Variants in FBXO25 observed in about 807,000 individuals in gnomAD.
The protein encoded by FBXO25 is F-box protein 25.
Under a neutral mutation model 51.9 loss-of-function variants are expected in FBXO25, and 45 were observed. That is an observed-to-expected ratio of 0.87 (90% CI 0.68 to 1.11). The LOEUF (loss-of-function observed/expected upper bound fraction) is 1.11, where lower values mean the gene tolerates loss of function less well. Ranked by LOEUF, FBXO25 falls within the 50% of genes most tolerant of loss-of-function variation. The pLI is 0.00. For synonymous variants in FBXO25, 199 were observed against 151.0 expected (o/e 1.32, Z -2.33); for missense variants, 507 against 428.5 (o/e 1.18, Z -1.62).
intron 7 of FBXO25, among the ~76,000 whole-genome samples, chr8:455,057 G>T (rs1799340086): frequency 6.6e-6 from 1 of 152,098 alleles, no homozygotes; most frequent in Admixed American, 6.6e-5. Flanking sequence ...AAAGTAAACT[G>T]GCTAACGAAA....
At position 452,006 on chromosome 8, in the gene FBXO25, T is replaced by G. The variant is rs560131010; in HGVS notation, c.660+553T>G. 5.9e-5 allele frequency among the ~76,000 whole-genome samples: 9 copies of G among 152,352 alleles called. No individual in the cohort carries two copies. The East Asian group carries it at 1.7e-3, about 29-fold the overall frequency. ...CCCCGAGTATTTAGATAGTGTTTTA[T>G]TTAACTCTAGTACTCATAAGAAAAA... is the stretch of plus-strand genomic sequence containing the variant. On this transcript the variant is annotated intron_variant, in intron 7 of 9. Coordinates refer to ENST00000350302, the MANE Select transcript of FBXO25 (RefSeq NM_183420.2).
chr8:430,739 A>C (rs1563073572), intron 2 of FBXO25, among the ~76,000 whole-genome samples: 1 of 152,180 alleles, frequency 6.6e-6, no homozygotes, highest in Non-Finnish European at 1.5e-5. Flanking sequence ...TTGTTTAGTT[A>C]TTGCCTTATG....
intron 1 of FBXO25, among the ~76,000 whole-genome samples, chr8:410,779 T>C (rs1262329997): frequency 6.6e-6 from 1 of 152,220 alleles, no homozygotes; most frequent in Non-Finnish European, 1.5e-5. Flanking sequence ...TAAAGTATTT[T>C]CTAAAGCAAG....
rs1384959344 is a variant in FBXO25, at chr8:475,089, G to GTT, written c.*6288_*6289dup. On this transcript the variant is annotated 3_prime_UTR_variant, in exon 10 of 10. Transcript: ENST00000350302. ...CCTTATGTTTCTCCTAAATGTTTTA[G>GTT]TTTTAGCTCTTAGTTTAGGCCTTTG... is the stretch of plus-strand genomic sequence containing the variant. 2 of 371,436 alleles carry GTT rather than the reference G, an allele frequency of 5.4e-6. No individual in the cohort carries two copies. Among genetic ancestry groups the GTT allele is most frequent in the East Asian group, 1.4e-4 (2 of 13,820 alleles). The allele number at this position is 371,436 out of a possible 1,614,324, so 23.0% of individuals were successfully genotyped here.
At chr8:463,431 G>GC (rs57261639) in intron 9 of FBXO25, among the ~76,000 whole-genome samples, 3,036 of 152,310 alleles carry the variant, frequency 0.02, 105 homozygotes, top group African/African-American at 0.068. Flanking sequence ...TTTCCTGGCA[G>GC]CAGCTCCAGA....
chr8:459,912 A>C (rs1159476833), intron 8 of FBXO25, among the ~76,000 whole-genome samples: 1 of 152,142 alleles, frequency 6.6e-6, no homozygotes, highest in Non-Finnish European at 1.5e-5. Flanking sequence ...AGCCGAGCAG[A>C]GGTTATGGAT....
chr8:463,414 A>T (rs3735922), intron 9 of FBXO25, among the ~76,000 whole-genome samples: 21,635 of 152,244 alleles, frequency 0.14, 1,688 homozygotes, highest in African/African-American at 0.19. Context: ...GATTGCAGCC[A>T]GTGACCTTTC....
intron 5 of FBXO25, among the ~76,000 whole-genome samples, chr8:446,745 C>G (rs940880259): frequency 2.0e-5 from 3 of 152,212 alleles, no homozygotes. Flanking sequence ...GTGCCCTCAA[C>G]TGGTGTGTTT....
chr8:449,394 G>A (rs898649967), intron 5 of FBXO25, among the ~76,000 whole-genome samples: 1 of 152,102 alleles, frequency 6.6e-6, no homozygotes, highest in Non-Finnish European at 1.5e-5. Context: ...TCTGTCACAG[G>A]GATTTGTTAC....
chr8:454,172 C>G (rs956149880), intron 7 of FBXO25, among the ~76,000 whole-genome samples: 2 of 152,142 alleles, frequency 1.3e-5, no homozygotes, highest in African/African-American at 2.4e-5. Flanking sequence ...CTCATAGTCC[C>G]AAAAGTAAGC....
chr8:474,678 AATGTCTATTTGGGCTCTTTGTCC>A lies in FBXO25; in HGVS notation c.*5877_*5899del, dbSNP rs1250036750. The A allele has an allele frequency of 2.0e-5, 9 of 449,050 alleles. No individual in the cohort carries two copies. The highest frequency in any genetic ancestry group is 6.1e-5 in the African/African-American group (3 of 49,386). 27.8% of individuals were successfully genotyped at this position (449,050 alleles called of 1,614,324 possible). On this transcript the variant is annotated 3_prime_UTR_variant, in exon 10 of 10. Transcript: ENST00000350302. ...GCCGTTTATATGTCGTCTTTGGAGA[AATGTCTATTTGGGCTCTTTGTCC>A]ATTTTTCAATCAGGTGTGTGTTTTT...
intron 9 of FBXO25, among the ~76,000 whole-genome samples, chr8:464,027 T>C (rs954282385): frequency 8.5e-5 from 13 of 152,172 alleles, no homozygotes; most frequent in African/African-American, 2.9e-4. Flanking sequence ...ATGGGTGCAG[T>C]GGCGCAATTA....
intron 9 of FBXO25, among the ~76,000 whole-genome samples, chr8:465,809 C>T (rs145710458): frequency 1.8e-3 from 267 of 152,192 alleles, no homozygotes; most frequent in African/African-American, 6.2e-3. Context: ...TACAGGTGCT[C>T]CATGTATATA....
rs921192636 is a variant in FBXO25, at chr8:419,205, C to CA, written c.134+6006dup. ...TGAAACCCCGTCTCTACTAAAAATA[C>CA]AAAAAAAAAAAAAATTAGCCGAGCG... On this transcript the variant is annotated intron_variant, in intron 2 of 9. Coordinates refer to ENST00000350302, the MANE Select transcript of FBXO25 (RefSeq NM_183420.2). 7.7e-3 allele frequency among the ~76,000 whole-genome samples: 1,015 copies of CA among 131,928 alleles called. 6 individuals are homozygous for CA. Among genetic ancestry groups the CA allele is most frequent in the African/African-American group, 0.018 (632 of 35,920 alleles). 86.5% of individuals were successfully genotyped at this position (131,928 alleles called of 152,430 possible). A position where few individuals can be genotyped will look rare whatever the true frequency, so the allele number is the denominator to read the frequency against.
intron 1 of FBXO25, among the ~76,000 whole-genome samples, chr8:410,057 A>G (rs551643483): frequency 6.6e-6 from 1 of 152,196 alleles, no homozygotes; most frequent in East Asian, 1.9e-4. Context: ...CTCTCCATTC[A>G]TTTAAGATCT....
At chr8:448,064 C>G (rs571301590) in intron 5 of FBXO25, among the ~76,000 whole-genome samples, 1 of 151,944 alleles carries the variant, frequency 6.6e-6, no homozygotes, top group African/African-American at 2.4e-5. Context: ...AGAATGAAAC[C>G]GTAATCATGA....
At chr8:448,572 T>C (rs1798879416) in intron 5 of FBXO25, among the ~76,000 whole-genome samples, 1 of 152,222 alleles carries the variant, frequency 6.6e-6, no homozygotes, top group African/African-American at 2.4e-5. Flanking sequence ...CTTACTGTTC[T>C]CATGAGCAGT....
chr8:452,485 G>A (rs1172447208), intron 7 of FBXO25, among the ~76,000 whole-genome samples: 2 of 152,238 alleles, frequency 1.3e-5, no homozygotes. Context: ...GGGGCTTGCT[G>A]TAGAAGTCCT....
intron 2 of FBXO25, chr8:420,508 A>C (rs773687376): frequency 3.1e-4 from 47 of 152,252 alleles, no homozygotes; most frequent in African/African-American, 1.1e-3. Flanking sequence ...AGTTTTATTC[A>C]GTAATTGCCA....
Sources: allele counts gnomAD v4.1 joint callset (sites outside exome capture counted in the v4.1 genomes callset), GRCh38; gene constraint gnomAD v4.1.1; transcripts MANE v1.5; gene names NCBI Gene and HGNC (gene_info 2026-07-23, HGNC 2026-07-21).